The following TMEM132D variants were observed in gnomAD, a reference collection of about 807,000 sequenced individuals.
TMEM132D encodes the protein transmembrane protein 132D.
A neutral mutation model predicts 62.3 loss-of-function variants in TMEM132D; 21 were observed. The ratio of observed to expected loss-of-function variants is 0.34; its 90% CI spans 0.24 to 0.49. The LOEUF is 0.49. Among genes scored for constraint, TMEM132D ranks in the 20% least tolerant of loss-of-function variants. The pLI, the probability that TMEM132D is intolerant of heterozygous loss-of-function variation, is 0.99. For synonymous variants in TMEM132D, 621 were observed against 575.6 expected (o/e 1.08, Z -1.13); for missense variants, 1,346 against 1,402.8 (o/e 0.96, Z 0.65).
chr12:129,165,094 G>T (rs924117401), intron 5 of TMEM132D, among the ~76,000 whole-genome samples: 1 of 152,172 alleles, frequency 6.6e-6, no homozygotes. Flanking sequence ...CAAAAATATG[G>T]CATGGAATGG....
intron 3 of TMEM132D, among the ~76,000 whole-genome samples, chr12:129,507,830 C>T (rs897137070): frequency 1.4e-4 from 21 of 152,142 alleles, no homozygotes; most frequent in Non-Finnish European, 2.5e-4. Context: ...TGTAACCAAA[C>T]ACCACCTGTT....
chr12:129,760,969 T>C (rs1455296079), intron 1 of TMEM132D, among the ~76,000 whole-genome samples: 1 of 152,020 alleles, frequency 6.6e-6, no homozygotes, highest in Non-Finnish European at 1.5e-5. Flanking sequence ...GCTTCATCCA[T>C]GTCCCTGCAA....
At chr12:129,106,457 C>G (rs1286989874) in intron 5 of TMEM132D, among the ~76,000 whole-genome samples, 1 of 151,414 alleles carries the variant, frequency 6.6e-6, no homozygotes. Context: ...AAATGCAATC[C>G]CTATCAAAAA....
At chr12:129,248,346 G>C (rs947417134) in intron 4 of TMEM132D, among the ~76,000 whole-genome samples, 2 of 152,112 alleles carry the variant, frequency 1.3e-5, no homozygotes, top group Non-Finnish European at 2.9e-5. Flanking sequence ...TCTTAAAATA[G>C]GGATGTCATT....
At chr12:129,396,328 T>A (rs1272460871) in intron 3 of TMEM132D, among the ~76,000 whole-genome samples, 1 of 152,194 alleles carries the variant, frequency 6.6e-6, no homozygotes, top group Non-Finnish European at 1.5e-5. Context: ...TCCCATCCTC[T>A]CTTTTACTAC....
intron 4 of TMEM132D, among the ~76,000 whole-genome samples, chr12:129,217,271 G>A (rs1879231969): frequency 6.6e-6 from 1 of 152,126 alleles, no homozygotes; most frequent in Admixed American, 6.6e-5. Flanking sequence ...TGGAGCTGGA[G>A]GTCATTATCC....
intron 3 of TMEM132D, among the ~76,000 whole-genome samples, chr12:129,429,846 C>T (rs1246918179): frequency 1.3e-5 from 2 of 148,614 alleles, no homozygotes; most frequent in African/African-American, 2.5e-5. Context: ...GGTTTTTTGT[C>T]CTTGCAATAG....
rs1879505885 is a variant in TMEM132D, at chr12:129,227,298, GAAAT to G, written c.1300-17639_1300-17636del. On this transcript the variant is annotated intron_variant, in intron 4 of 8. Transcript: ENST00000422113. ...AAATCTGTCATCTGTCCTGCGTTAG[GAAAT>G]ATATATATATATATATATATATATG... Among the ~76,000 whole-genome samples the G allele has an allele frequency of 9.0e-5, 6 of 66,562 alleles. 1 individual carries two copies. 43.7% of individuals were successfully genotyped at this position (66,562 alleles called of 152,430 possible).
chr12:129,078,561 A>G lies in TMEM132D; in HGVS notation c.2088T>C (p.Ala696=), dbSNP rs530811283. ...GTTTTGGCCTCTGCAGAAGTTCCTGAGCCACTGCAGTGGCAAAGATGGCCC... is the reference window on the plus strand; with the variant it reads ...GTTTTGGCCTCTGCAGAAGTTCCTGGGCCACTGCAGTGGCAAAGATGGCCC... The part of the protein sequence containing the change: ...SNRAIFATAV[A]QELLQRPKQE... Residue 696 remains alanine, a synonymous_variant, in exon 8 of 9, where the codon GCT becomes GCC. Transcript: ENST00000422113. The G allele has an allele frequency of 5.3e-5, 86 of 1,614,010 alleles. No individual in the cohort carries two copies. The African/African-American group carries it at 1.0e-3, about 19-fold the overall frequency.
chr12:129,179,228 A>C (rs1299337227), intron 5 of TMEM132D, among the ~76,000 whole-genome samples: 1 of 152,200 alleles, frequency 6.6e-6, no homozygotes, highest in Non-Finnish European at 1.5e-5. Context: ...TAGCAGGAGG[A>C]GTGATTATCT....
intron 2 of TMEM132D, among the ~76,000 whole-genome samples, chr12:129,554,211 C>T (rs61943474): frequency 0.025 from 3,797 of 152,268 alleles, 87 homozygotes; most frequent in Non-Finnish European, 0.031. Context: ...GGTCAGAGAC[C>T]TCATCTGAGG....
intron 2 of TMEM132D, among the ~76,000 whole-genome samples, chr12:129,689,959 T>C (rs1361908442): frequency 6.6e-6 from 1 of 152,204 alleles, no homozygotes; most frequent in Non-Finnish European, 1.5e-5. Context: ...GAGAGACAGA[T>C]ACATTCAAGG....
rs574244848 is a variant in TMEM132D, at chr12:129,836,620, G to C, written c.79+66641C>G. Among the ~76,000 whole-genome samples the C allele has an allele frequency of 2.0e-5, 3 of 152,062 alleles. No homozygotes were observed. The East Asian group carries it at 5.8e-4, about 29-fold the overall frequency. ...GATGTATACATTAGCTCTTTATTAA[G>C]TAAAAGTAGTGTTTCTATAACAACA... On this transcript the variant is annotated intron_variant, in intron 1 of 8. Transcript: ENST00000422113.
chr12:129,216,540 A>G (rs917311559), intron 4 of TMEM132D, among the ~76,000 whole-genome samples: 4 of 152,218 alleles, frequency 2.6e-5, no homozygotes, highest in Admixed American at 6.5e-5. Flanking sequence ...CACAACCCAC[A>G]GAAGCTGGAA....
intron 2 of TMEM132D, among the ~76,000 whole-genome samples, chr12:129,687,018 GC>G (rs1748978218): frequency 6.6e-6 from 1 of 152,138 alleles, no homozygotes; most frequent in African/African-American, 2.4e-5. Context: ...GATGTTATAG[GC>G]TATGACTCAA....
intron 2 of TMEM132D, among the ~76,000 whole-genome samples, chr12:129,569,679 G>A (rs1447342381): frequency 1.3e-5 from 2 of 152,166 alleles, no homozygotes; most frequent in Non-Finnish European, 2.9e-5. Flanking sequence ...GCCGATTTAT[G>A]TAACACCCTC....
At chr12:129,705,778 C>A (rs1286338136) in intron 1 of TMEM132D, among the ~76,000 whole-genome samples, 1 of 152,034 alleles carries the variant, frequency 6.6e-6, no homozygotes, top group East Asian at 1.9e-4. Context: ...CAAATACAGG[C>A]AAAACCCCAC....
chr12:129,250,470 T>C (rs1490543463), intron 4 of TMEM132D, among the ~76,000 whole-genome samples: 2 of 152,206 alleles, frequency 1.3e-5, no homozygotes, highest in Non-Finnish European at 2.9e-5. Flanking sequence ...CTCACTTCAA[T>C]TTCCTCAACA....
intron 4 of TMEM132D, among the ~76,000 whole-genome samples, chr12:129,299,048 C>T (rs1157744777): frequency 3.3e-5 from 5 of 152,166 alleles, no homozygotes; most frequent in Non-Finnish European, 5.9e-5. Context: ...TCAGGCCAAG[C>T]GCTTCAGAAG....
Sources: gnomAD v4.1 joint callset for allele counts (sites outside exome capture counted in the v4.1 genomes callset) on GRCh38, gnomAD v4.1.1 for gene constraint, MANE v1.5 for transcripts, NCBI Gene and HGNC (gene_info 2026-07-23, HGNC 2026-07-21) for gene names.